Variants in STRBP observed in about 807,000 individuals in gnomAD.
STRBP encodes spermatid perinuclear RNA binding protein.
Under a neutral mutation model 80.1 loss-of-function variants are expected in STRBP, and 13 were observed. That is an observed-to-expected ratio of 0.16 (90% confidence interval 0.11 to 0.26). The LOEUF is 0.26. Ranked by LOEUF, STRBP falls within the 10% of genes least tolerant of loss-of-function variation. The pLI is 1.00. For synonymous variants in STRBP, 284 were observed against 291.2 expected (o/e 0.98, Z 0.25); for missense variants, 485 against 815.2 (o/e 0.59, Z 4.93).
chr9:123,232,455 G>A (rs1337538371), intron 2 of STRBP, among the ~76,000 whole-genome samples: 1 of 152,178 alleles, frequency 6.6e-6, no homozygotes, highest in African/African-American at 2.4e-5. Context: ...TGTCAGCCCA[G>A]GTTACAACAG....
At chr9:123,220,304 ATGT>A (rs1307782121) in intron 2 of STRBP, among the ~76,000 whole-genome samples, 2 of 152,218 alleles carry the variant, frequency 1.3e-5, no homozygotes, top group African/African-American at 4.8e-5. Context: ...ACAAACCTAG[ATGT>A]TATGGCCTTC....
At chr9:123,251,848 A>G (rs2040923987) in intron 1 of STRBP, among the ~76,000 whole-genome samples, 2 of 152,348 alleles carry the variant, frequency 1.3e-5, no homozygotes, top group East Asian at 1.9e-4. Flanking sequence ...TAGGCATTGT[A>G]TACTTTTCAT....
chr9:123,212,660 G>A (rs2039751526), intron 2 of STRBP: 1 of 152,162 alleles, frequency 6.6e-6, no homozygotes, highest in African/African-American at 2.4e-5. Context: ...ATTATCCACA[G>A]ATAAGCAGGA....
At position 123,184,156 on chromosome 9, in the gene STRBP, T is replaced by C; in HGVS notation, c.-22A>G. ...CCATGGTTTTCTATAGTATTTTAGCTTCTTTTTCCGATCCTTTCCCCTCTT... is the reference window on the plus strand; with the variant it reads ...CCATGGTTTTCTATAGTATTTTAGCCTCTTTTTCCGATCCTTTCCCCTCTT... On this transcript the variant is annotated 5_prime_UTR_variant, in exon 3 of 19. Coordinates refer to ENST00000348403, the MANE Select transcript of STRBP (RefSeq NM_018387.5). The C allele has an allele frequency of 1.2e-6, 2 of 1,609,138 alleles. No homozygotes were observed. The highest frequency in any genetic ancestry group is 1.7e-6 in the Non-Finnish European group (2 of 1,177,194).
At chr9:123,147,567 TTTG>T (rs1291963016) in intron 12 of STRBP, among the ~76,000 whole-genome samples, 5 of 151,372 alleles carry the variant, frequency 3.3e-5, no homozygotes, top group Non-Finnish European at 7.4e-5. Context: ...ATCCCTACTA[TTTG>T]AGAAGGCTGA....
At position 123,122,298 on chromosome 9, in the gene STRBP, C is replaced by A. The variant is rs751467875; in HGVS notation, c.*3299G>T. 2 of 1,282,388 alleles carry A rather than the reference C, an allele frequency of 1.6e-6. No homozygotes were observed. The highest frequency in any genetic ancestry group is 5.6e-5 in the East Asian group (1 of 17,968). The allele number at this position is 1,282,388 out of a possible 1,614,324, so 79.4% of individuals were successfully genotyped here. A position where few individuals can be genotyped will look rare whatever the true frequency, so the allele number is the denominator to read the frequency against. Reference sequence around the variant, plus strand: ...GAGAACGAGAATAAAGTGAGATAAACGTGCTGAAAACTGCTTAAAAGTATT... The same window carrying A: ...GAGAACGAGAATAAAGTGAGATAAAAGTGCTGAAAACTGCTTAAAAGTATT... On this transcript the variant is annotated 3_prime_UTR_variant, in exon 19 of 19. Coordinates refer to ENST00000348403, the MANE Select transcript of STRBP (RefSeq NM_018387.5).
chr9:123,268,102 C>A (rs1245183548), intron 1 of STRBP, among the ~76,000 whole-genome samples: 1 of 151,250 alleles, frequency 6.6e-6, no homozygotes, highest in African/African-American at 2.4e-5. Context: ...TCCCGGAAGA[C>A]CTCCCGGCAC....
intron 2 of STRBP, among the ~76,000 whole-genome samples, chr9:123,208,577 T>C (rs1300330976): frequency 1.3e-5 from 2 of 152,210 alleles, no homozygotes; most frequent in Non-Finnish European, 2.9e-5. Flanking sequence ...TTTGCCATTG[T>C]AGTATAAAAG....
At chr9:123,232,216 G>A (rs975888946) in intron 2 of STRBP, among the ~76,000 whole-genome samples, 1 of 152,162 alleles carries the variant, frequency 6.6e-6, no homozygotes, top group African/African-American at 2.4e-5. Context: ...GGAGGCTGAC[G>A]CAGGAGAATC....
intron 2 of STRBP, among the ~76,000 whole-genome samples, chr9:123,227,042 G>A (rs1356196581): frequency 6.6e-6 from 1 of 152,162 alleles, no homozygotes; most frequent in Non-Finnish European, 1.5e-5. Flanking sequence ...ATTCGTGAGA[G>A]TAAATTCCTC....
intron 17 of STRBP, 74 bp downstream of exon 17, chr9:123,132,771 G>A: frequency 6.3e-7 from 1 of 1,579,216 alleles, no homozygotes; most frequent in Non-Finnish European, 8.6e-7. Flanking sequence ...TACAACCTTA[G>A]AAAATGCAGG....
At chr9:123,199,609 T>G (rs2039236429) in intron 2 of STRBP, among the ~76,000 whole-genome samples, 1 of 152,196 alleles carries the variant, frequency 6.6e-6, no homozygotes, top group Non-Finnish European at 1.5e-5. Context: ...CTTGGTTAGG[T>G]ATATTCCTAG....
intron 2 of STRBP, among the ~76,000 whole-genome samples, chr9:123,209,733 T>A (rs186300150): frequency 1.3e-5 from 2 of 152,170 alleles, no homozygotes; most frequent in African/African-American, 2.4e-5. Flanking sequence ...GTATTTACCA[T>A]ACAATGTTGA....
chr9:123,117,125 C>T (rs1040903671), downstream of STRBP, among the ~76,000 whole-genome samples: 2 of 152,064 alleles, frequency 1.3e-5, no homozygotes, highest in Non-Finnish European at 2.9e-5. Flanking sequence ...AAATGGCAAA[C>T]GGGAAAGGGC....
intron 1 of STRBP, among the ~76,000 whole-genome samples, chr9:123,251,151 G>A (rs1412656867): frequency 6.6e-6 from 1 of 151,878 alleles, no homozygotes; most frequent in African/African-American, 2.4e-5. Flanking sequence ...TTCTTTCTCT[G>A]TCTCTGTTTC....
intron 11 of STRBP, among the ~76,000 whole-genome samples, chr9:123,154,943 G>A (rs1229357499): frequency 6.6e-6 from 1 of 152,202 alleles, no homozygotes; most frequent in South Asian, 2.1e-4. Flanking sequence ...AGATACTGCA[G>A]CAGGTTTTTA....
chr9:123,205,754 T>C (rs1048510479), intron 2 of STRBP, among the ~76,000 whole-genome samples: 20 of 152,240 alleles, frequency 1.3e-4, no homozygotes, highest in Non-Finnish European at 2.9e-5. Context: ...TACTATTCAT[T>C]CTTCTCTTTC....
intron 2 of STRBP, among the ~76,000 whole-genome samples, chr9:123,200,223 A>C (rs2132506583): frequency 6.6e-6 from 1 of 152,316 alleles, no homozygotes; most frequent in African/African-American, 2.4e-5. Flanking sequence ...AGTTTCTTGA[A>C]AACAGCAGAT....
At chr9:123,257,114 C>T (rs921270847) in intron 1 of STRBP, among the ~76,000 whole-genome samples, 2 of 152,108 alleles carry the variant, frequency 1.3e-5, no homozygotes, top group East Asian at 3.9e-4. Context: ...GTAGCTCCAA[C>T]ATTCCTCTCC....
Sources: allele counts gnomAD v4.1 joint callset (sites outside exome capture counted in the v4.1 genomes callset), GRCh38; gene constraint gnomAD v4.1.1; transcripts MANE v1.5; gene names NCBI Gene and HGNC (gene_info 2026-07-23, HGNC 2026-07-21).